SPECC1: variants seen among roughly 807,000 people sequenced by gnomAD.
SPECC1 encodes cytospin-B.
A neutral mutation model predicts 104.1 loss-of-function variants in SPECC1; 62 were observed. The ratio of observed to expected loss-of-function variants is 0.60; its 90% CI spans 0.49 to 0.74. The LOEUF is 0.74. Ranked by LOEUF, SPECC1 falls within the 30% of genes least tolerant of loss-of-function variation. The pLI is 0.00. For missense variants in SPECC1, 1,306 were observed against 1,310.5 expected (o/e 1.00, Z 0.05); for synonymous variants, 513 against 501.6 (o/e 1.02, Z -0.30).
rs372456964 is a variant in SPECC1, at chr17:20,123,405, C to G, written c.283+12843C>G. Among the ~76,000 whole-genome samples the G allele has an allele frequency of 2.6e-5, 4 of 152,346 alleles. No individual in the cohort carries two copies. In the East Asian group the frequency reaches 5.8e-4, roughly 22 times the overall value. ...TAAGGGCAAGCAGTCGTGATTGGCT[C>G]ACTGCCAAGAAACTGTCAGTGTCCT... On this transcript the variant is annotated intron_variant, in intron 3 of 14. Coordinates refer to ENST00000395527, the MANE Select transcript of SPECC1 (RefSeq NM_001243439.2).
At chr17:20,199,078 AG>A (rs2036227264) in intron 3 of SPECC1, among the ~76,000 whole-genome samples, 1 of 124,206 alleles carries the variant, frequency 8.1e-6, no homozygotes, top group African/African-American at 3.1e-5. Flanking sequence ...ATCTTATGGT[AG>A]CTTTTTTTTT....
At chr17:20,277,044 G>A (rs2040597443) in intron 12 of SPECC1, among the ~76,000 whole-genome samples, 1 of 152,260 alleles carries the variant, frequency 6.6e-6, no homozygotes, top group African/African-American at 2.4e-5. Context: ...AGCACTGTGA[G>A]TTGGAGGAGT....
At chr17:20,187,166 G>A (rs193298256) in intron 3 of SPECC1, among the ~76,000 whole-genome samples, 1 of 152,188 alleles carries the variant, frequency 6.6e-6, no homozygotes, top group East Asian at 1.9e-4. Context: ...AGAATGTTTA[G>A]GGTTTTGTAT....
At chr17:20,093,923 G>T (rs1201473699) in intron 1 of SPECC1, among the ~76,000 whole-genome samples, 3 of 151,824 alleles carry the variant, frequency 2.0e-5, no homozygotes, top group South Asian at 2.1e-4. Context: ...GTGAGACAGG[G>T]TCTCACCATG....
intron 3 of SPECC1, among the ~76,000 whole-genome samples, chr17:20,126,848 T>G (rs2049336001): frequency 6.6e-6 from 1 of 152,242 alleles, no homozygotes; most frequent in African/African-American, 2.4e-5. Flanking sequence ...TATATTCCTT[T>G]GAGTTATTAG....
At chr17:20,276,703 C>T (rs949968384) in intron 12 of SPECC1, among the ~76,000 whole-genome samples, 4 of 152,204 alleles carry the variant, frequency 2.6e-5, no homozygotes, top group African/African-American at 9.7e-5. Context: ...GAGGGGTAAC[C>T]ACAGTGGAAT....
intron 2 of SPECC1, among the ~76,000 whole-genome samples, chr17:20,102,184 T>G (rs117057360): frequency 0.018 from 2,681 of 152,356 alleles, 33 homozygotes; most frequent in Middle Eastern, 0.041. Context: ...AATTAGTAAC[T>G]GAGACTGGTA....
intron 3 of SPECC1, among the ~76,000 whole-genome samples, chr17:20,149,652 T>G (rs2031803443): frequency 6.6e-6 from 1 of 152,192 alleles, no homozygotes; most frequent in Non-Finnish European, 1.5e-5. Flanking sequence ...TTGTATCCTT[T>G]TGCTGTCATA....
At chr17:20,068,996 A>T (rs573049194) in intron 1 of SPECC1, among the ~76,000 whole-genome samples, 1 of 152,244 alleles carries the variant, frequency 6.6e-6, no homozygotes, top group Non-Finnish European at 1.5e-5. Flanking sequence ...TCAGGGGTAC[A>T]TGTGAAGGTT....
At chr17:20,157,672 G>C (rs2032727224) in intron 3 of SPECC1, among the ~76,000 whole-genome samples, 1 of 152,170 alleles carries the variant, frequency 6.6e-6, no homozygotes, top group Admixed American at 6.5e-5. Flanking sequence ...TTGGATGCCT[G>C]TGTTCCAATT....
At chr17:20,218,232 A>G (rs73981849) in intron 4 of SPECC1, among the ~76,000 whole-genome samples, 29,617 of 152,148 alleles carry the variant, frequency 0.19, 3,078 homozygotes, top group African/African-American at 0.26. Flanking sequence ...TTACTGTTAC[A>G]TGTTCCAGGC....
chr17:20,237,438 C>G, intron 7 of SPECC1: 1 of 313,496 alleles, frequency 3.2e-6, no homozygotes, highest in Non-Finnish European at 5.0e-6. Flanking sequence ...CCTCAGCCTT[C>G]CAAGTAGCTG....
chr17:20,078,763 TTGTA>T (rs1349541788), intron 1 of SPECC1, among the ~76,000 whole-genome samples: 1 of 152,208 alleles, frequency 6.6e-6, no homozygotes, highest in East Asian at 1.9e-4. Flanking sequence ...ATATTTTTAT[TTGTA>T]TGTATATAAA....
chr17:20,194,511 T>TTTA, intron 3 of SPECC1, among the ~76,000 whole-genome samples: 1 of 125,288 alleles, frequency 8.0e-6, no homozygotes, highest in East Asian at 2.6e-4. Context: ...AATTTTTTTT[T>TTTA]TTTTTTTTTT....
intron 7 of SPECC1, among the ~76,000 whole-genome samples, chr17:20,233,450 A>G (rs927124060): frequency 6.6e-6 from 1 of 152,242 alleles, no homozygotes; most frequent in Non-Finnish European, 1.5e-5. Context: ...TAACTTTTAC[A>G]TAAAATGGCC....
intron 3 of SPECC1, among the ~76,000 whole-genome samples, chr17:20,116,905 C>T (rs1291203711): frequency 1.4e-5 from 2 of 141,646 alleles, no homozygotes; most frequent in Admixed American, 7.8e-5. Context: ...TCCTAGGATG[C>T]GCAGGACCGT....
rs145229102 is a variant in SPECC1 at position 20,061,135 on chromosome 17, G to A, written c.-21-35496G>A. Among the ~76,000 whole-genome samples, 61 of 152,274 alleles carry A rather than the reference G, an allele frequency of 4.0e-4. No homozygotes were observed. In the East Asian group the frequency reaches 4.1e-3, roughly 10 times the overall value. On this transcript the variant is annotated intron_variant, in intron 1 of 14. Coordinates refer to ENST00000395527, the MANE Select transcript of SPECC1 (RefSeq NM_001243439.2). ...CACCCAGGCTGGAGAGCAGTGGCGC[G>A]ATCTCGGCTCACTGCAACCTCCATC... is the stretch of plus-strand genomic sequence containing the variant.
At chr17:20,179,922 G>T (rs568965452) in intron 3 of SPECC1, among the ~76,000 whole-genome samples, 1 of 152,154 alleles carries the variant, frequency 6.6e-6, no homozygotes, top group East Asian at 1.9e-4. Flanking sequence ...CTAGGAAATA[G>T]CGTGGAACTA....
At chr17:20,308,078 G>A (rs1170337114) in intron 14 of SPECC1, among the ~76,000 whole-genome samples, 2 of 152,120 alleles carry the variant, frequency 1.3e-5, no homozygotes, top group African/African-American at 4.8e-5. Flanking sequence ...GAAAATCTAA[G>A]TTGAAATAAA....
Sources: gnomAD v4.1 joint callset for allele counts (sites outside exome capture counted in the v4.1 genomes callset) on GRCh38, gnomAD v4.1.1 for gene constraint, MANE v1.5 for transcripts, NCBI Gene and HGNC (gene_info 2026-07-23, HGNC 2026-07-21) for gene names.